STK4: variants seen among roughly 807,000 people sequenced by gnomAD.
The protein encoded by STK4 is serine/threonine-protein kinase 4.
Under a neutral mutation model 64.9 loss-of-function variants are expected in STK4, and 30 were observed. The observed-to-expected ratio is 0.46, with a 90% CI of 0.35 to 0.63. The LOEUF (loss-of-function observed/expected upper bound fraction) is 0.63. Among genes scored for constraint, STK4 ranks in the 20% least tolerant of loss-of-function variants. The pLI is 0.01. For missense variants in STK4, 466 were observed against 598.5 expected (o/e 0.78, Z 2.31); for synonymous variants, 177 against 199.0 (o/e 0.89, Z 0.93).
chr20:45,025,296 C>G (rs1378463688), intron 10 of STK4, among the ~76,000 whole-genome samples, 166 bp downstream of exon 10: 1 of 152,234 alleles, frequency 6.6e-6, no homozygotes, highest in African/African-American at 2.4e-5. Flanking sequence ...GGGCAGTTCT[C>G]TGGTCCCTGA....
intron 9 of STK4, among the ~76,000 whole-genome samples, chr20:45,015,106 T>A (rs999823328): frequency 6.6e-6 from 1 of 152,200 alleles, no homozygotes; most frequent in Non-Finnish European, 1.5e-5. Context: ...AAACATTATG[T>A]GTTTATAGTT....
rs774962859 is a variant in STK4 at position 44,987,137 on chromosome 20, A to G, written c.366A>G (p.Thr122=). 4 of 1,584,512 alleles carry G rather than the reference A, an allele frequency of 2.5e-6. No individual in the cohort carries two copies. Among genetic ancestry groups the G allele is most frequent in the South Asian group, 1.2e-5 (1 of 86,568 alleles). Residue 122 remains threonine (T), a synonymous_variant, in exon 5 of 11, where the codon ACA becomes ACG. Coordinates refer to ENST00000372806, the MANE Select transcript of STK4 (RefSeq NM_006282.5). The part of the protein sequence containing the change: ...DIIRLRNKTL[T]EDEIATILQS... Reference sequence around the variant, plus strand: ...ACTTCTTATTCTTTTTTCAGTTAACAGAAGATGAAATAGCTACAATATTAC... The same window carrying G: ...ACTTCTTATTCTTTTTTCAGTTAACGGAAGATGAAATAGCTACAATATTAC...
intron 10 of STK4, among the ~76,000 whole-genome samples, chr20:45,052,247 A>G (rs2068787671): frequency 6.6e-6 from 1 of 151,092 alleles, no homozygotes; most frequent in Admixed American, 6.6e-5. Context: ...AGAAAAGCTT[A>G]AAGAAGAAAA....
intron 1 of STK4, among the ~76,000 whole-genome samples, chr20:44,970,251 A>C (rs1225315851): frequency 6.6e-6 from 1 of 152,150 alleles, no homozygotes; most frequent in African/African-American, 2.4e-5. Context: ...AAAAAGAAAA[A>C]AAAAGTTTGT....
At chr20:45,058,283 C>T (rs1336286304) in intron 10 of STK4, among the ~76,000 whole-genome samples, 2 of 151,844 alleles carry the variant, frequency 1.3e-5, no homozygotes, top group African/African-American at 2.4e-5. Flanking sequence ...TTGTGAATCT[C>T]ACCCTTCATT....
At chr20:45,040,040 G>A (rs944119113) in intron 10 of STK4, among the ~76,000 whole-genome samples, 2 of 150,286 alleles carry the variant, frequency 1.3e-5, no homozygotes, top group African/African-American at 4.9e-5. Context: ...TCAGAATCAG[G>A]TTCGATTTTT....
At chr20:45,047,932 C>T (rs115380451) in intron 10 of STK4, among the ~76,000 whole-genome samples, 4,271 of 152,264 alleles carry the variant, frequency 0.028, 180 homozygotes, top group African/African-American at 0.092. Flanking sequence ...AAGATTAAGC[C>T]TTCAAGAGCC....
At chr20:45,003,340 G>A (rs1601243752) in intron 9 of STK4, among the ~76,000 whole-genome samples, 1 of 152,032 alleles carries the variant, frequency 6.6e-6, no homozygotes, top group Non-Finnish European at 1.5e-5. Context: ...ACAAGCCTGG[G>A]GCTCAGATAC....
intron 9 of STK4, among the ~76,000 whole-genome samples, chr20:45,019,715 TTAG>T (rs1157054544): frequency 6.6e-6 from 1 of 152,346 alleles, no homozygotes; most frequent in African/African-American, 2.4e-5. Context: ...TTCTACGGCT[TTAG>T]GTTTCTTGTA....
At chr20:44,981,181 G>T (rs566260037) in intron 3 of STK4, among the ~76,000 whole-genome samples, 2 of 149,532 alleles carry the variant, frequency 1.3e-5, no homozygotes, top group South Asian at 4.3e-4. Flanking sequence ...TTGAGATGGA[G>T]TCTTGCTCTG....
chr20:45,046,472 C>T (rs1600531694), intron 10 of STK4, among the ~76,000 whole-genome samples: 1 of 151,148 alleles, frequency 6.6e-6, no homozygotes, highest in African/African-American at 2.4e-5. Flanking sequence ...CAAATATAAC[C>T]TCTGAAAACA....
chr20:45,014,294 G>A (rs1440948560), intron 9 of STK4, among the ~76,000 whole-genome samples: 1 of 148,676 alleles, frequency 6.7e-6, no homozygotes, highest in African/African-American at 2.6e-5. Flanking sequence ...GGTGTAGTGG[G>A]GCGTGCCTGT....
At chr20:44,993,382 C>G (rs1350997267) in intron 5 of STK4, among the ~76,000 whole-genome samples, 1 of 152,034 alleles carries the variant, frequency 6.6e-6, no homozygotes, top group Non-Finnish European at 1.5e-5. Flanking sequence ...ACTCATTGCT[C>G]TTATTAATTT....
intron 1 of STK4, among the ~76,000 whole-genome samples, chr20:44,967,719 G>A (rs141779897): frequency 3.3e-5 from 5 of 152,324 alleles, no homozygotes; most frequent in African/African-American, 1.2e-4. Flanking sequence ...GACTGCCTGG[G>A]CAGCACTCTT....
chr20:45,053,612 G>C (rs12481277), intron 10 of STK4, among the ~76,000 whole-genome samples: 18,909 of 152,154 alleles, frequency 0.12, 1,540 homozygotes, highest in East Asian at 0.22. Context: ...GTTAACTTCT[G>C]TGTGGCTTCA....
chr20:45,025,269 TA>T (rs2068324835), intron 10 of STK4, 139 bp downstream of exon 10: 1 of 968,004 alleles, frequency 1.0e-6, no homozygotes, highest in African/African-American at 1.7e-5. Context: ...TGAAGGACAG[TA>T]TTTTGACTGA....
Position 45,062,989 on chromosome 20 carries a change from C to CTTTTTTTTTTTTTTTTTTTTTTTTTTT in STK4, c.1306-12025_1306-11999dup, listed in dbSNP as rs71197599. On this transcript the variant is annotated intron_variant, in intron 10 of 10. Coordinates refer to ENST00000372806, the MANE Select transcript of STK4 (RefSeq NM_006282.5). ...ACAGGTGTGAGCCACCGCACCCGGC[C>CTTTTTTTTTTTTTTTTTTTTTTTTTTT]TTTTTTTTTTTTTTTTTTTTTTTTT... 9.5e-5 allele frequency among the ~76,000 whole-genome samples: 3 copies of CTTTTTTTTTTTTTTTTTTTTTTTTTTT among 31,452 alleles called. 1 individual carries two copies. Among genetic ancestry groups the CTTTTTTTTTTTTTTTTTTTTTTTTTTT allele is most frequent in the Non-Finnish European group, 1.8e-4 (3 of 17,126 alleles). The allele number at this position is 31,452 out of a possible 152,430, so 20.6% of individuals were successfully genotyped here. A position where few individuals can be genotyped will look rare whatever the true frequency, so the allele number is the denominator to read the frequency against.
At chr20:44,990,907 G>T (rs2067621350) in intron 5 of STK4, among the ~76,000 whole-genome samples, 1 of 152,138 alleles carries the variant, frequency 6.6e-6, no homozygotes, top group Non-Finnish European at 1.5e-5. Context: ...TTTTGGAGGG[G>T]TTGGTGTTAA....
chr20:45,011,729 A>ATATT (rs60170856), intron 9 of STK4, among the ~76,000 whole-genome samples: 111 of 115,382 alleles, frequency 9.6e-4, no homozygotes, highest in African/African-American at 3.9e-3. Context: ...ATATATATAT[A>ATATT]TTTTTTTTTT....
Sources: gnomAD v4.1 joint callset for allele counts (sites outside exome capture counted in the v4.1 genomes callset) on GRCh38, gnomAD v4.1.1 for gene constraint, MANE v1.5 for transcripts, NCBI Gene and HGNC (gene_info 2026-07-23, HGNC 2026-07-21) for gene names.